SMAD5: variants seen among roughly 807,000 people sequenced by gnomAD.
SMAD5 encodes MAD, mothers against decapentaplegic homolog 5.
In SMAD5, 9 loss-of-function variants were observed where a neutral mutation model predicts 43.1. The ratio of observed to expected loss-of-function variants is 0.21; its 90% CI spans 0.13 to 0.36. SMAD5 has a LOEUF of 0.36. Ranked by LOEUF, SMAD5 falls within the 10% of genes least tolerant of loss-of-function variation. SMAD5 has a pLI of 1.00. For synonymous variants in SMAD5, 190 were observed against 192.4 expected (o/e 0.99, Z 0.10); for missense variants, 348 against 574.0 (o/e 0.61, Z 4.02).
At position 136,153,935 on chromosome 5, in the gene SMAD5, C is replaced by T. The variant is rs1157551103; in HGVS notation, c.175C>T (p.Pro59Ser). The T allele has an allele frequency of 6.2e-7, 1 of 1,613,298 alleles. No homozygotes were observed. The highest frequency in any genetic ancestry group is 8.5e-7 in the Non-Finnish European group (1 of 1,179,752). The part of the protein sequence containing the change: ...MEELEKALSS[P>S]GQPSKCVTIP... ...GGAACTGGAGAAAGCCTTGAGCAGT[C>T]CAGGACAGCCGAGTAAATGTGTCAC... The change falls in exon 3 of 8, where the codon CCA becomes TCA. Residue 59 changes from proline (P) to serine (S), a missense_variant. Transcript: ENST00000545279.
chr5:136,165,146 A>T (rs994062317), intron 5 of SMAD5, among the ~76,000 whole-genome samples: 1 of 151,630 alleles, frequency 6.6e-6, no homozygotes, highest in Non-Finnish European at 1.5e-5. Context: ...TTTAATTTTT[A>T]AATTATTTAT....
chr5:136,142,708 A>G (rs1226283222), intron 1 of SMAD5, among the ~76,000 whole-genome samples: 2 of 152,162 alleles, frequency 1.3e-5, no homozygotes, highest in African/African-American at 4.8e-5. Flanking sequence ...AAGAAGGAGC[A>G]TACCTTCCTG....
intron 1 of SMAD5, chr5:136,133,215 C>T (rs1752736481): frequency 1.3e-5 from 2 of 152,492 alleles, no homozygotes; most frequent in South Asian, 2.1e-4. Context: ...TGGCCCTCGT[C>T]CCAGCCCCGC....
chr5:136,182,334 C>G lies in SMAD5; in HGVS notation c.*4854C>G, dbSNP rs964659806. On this transcript the variant is annotated 3_prime_UTR_variant, in exon 8 of 8. Coordinates refer to ENST00000545279, the MANE Select transcript of SMAD5 (RefSeq NM_005903.7). Reference sequence around the variant, plus strand: ...ATAAAGTATTTTAACTATAGGAACTCTAGAAGATAATGGTTAGGCAAGTGA... The same window carrying G: ...ATAAAGTATTTTAACTATAGGAACTGTAGAAGATAATGGTTAGGCAAGTGA... 21 of 151,514 alleles carry G rather than the reference C, an allele frequency of 1.4e-4. No homozygotes were observed. Among genetic ancestry groups the G allele is most frequent in the African/African-American group, 4.6e-4 (19 of 41,314 alleles). 9.4% of individuals were successfully genotyped at this position (151,514 alleles called of 1,614,324 possible).
rs2149768691 is a variant in SMAD5, at chr5:136,153,889, A to G, written c.129A>G (p.Lys43=). 1 of 1,614,064 alleles carries G rather than the reference A, an allele frequency of 6.2e-7. No individual in the cohort carries two copies. Among genetic ancestry groups the G allele is most frequent in the African/African-American group, 1.3e-5 (1 of 75,050 alleles). The change falls in exon 3 of 8, where the codon AAA becomes AAG. Residue 43 remains lysine, a synonymous_variant. Transcript: ENST00000545279. ...TTGATGCTTTGGTGAAGAAACTAAA[A>G]AAGAAAAAGGGTGCCATGGAGGAAC... ...KAVDALVKKL[K]KKKGAMEELE... is the part of the protein sequence containing the mutation.
chr5:136,173,854 T>A (rs111830826), intron 6 of SMAD5, among the ~76,000 whole-genome samples: 1 of 151,744 alleles, frequency 6.6e-6, no homozygotes, highest in Non-Finnish European at 1.5e-5. Context: ...AAGGAACATA[T>A]ATATTTTTAA....
rs1045712534 is a variant in SMAD5 at position 136,165,890 on chromosome 5, G to A, written c.775+2499G>A. ...GAATAATACTACTGTGGACATGGGC[G>A]TACACATATCTCTTCGAGATCCTGC... On this transcript the variant is annotated intron_variant, in intron 5 of 7. Coordinates refer to ENST00000545279, the MANE Select transcript of SMAD5 (RefSeq NM_005903.7). 2.4e-4 allele frequency among the ~76,000 whole-genome samples: 37 copies of A among 151,700 alleles called. No individual in the cohort carries two copies. The South Asian group carries it at 4.6e-3, about 19-fold the overall frequency.
chr5:136,142,934 C>G (rs776544434), intron 1 of SMAD5, among the ~76,000 whole-genome samples: 22 of 152,094 alleles, frequency 1.4e-4, no homozygotes, highest in Non-Finnish European at 2.1e-4. Context: ...GCCTGAGTTC[C>G]TAGCATGGAG....
At position 136,182,444 on chromosome 5, in the gene SMAD5, GA is replaced by G; in HGVS notation, c.*4966del. ...GAAGAGGATTGTAATCATGGAAATAGAATGTTTGTATCTACCTGCCCACATT... is the reference window on the plus strand; with the variant it reads ...GAAGAGGATTGTAATCATGGAAATAGATGTTTGTATCTACCTGCCCACATT... On this transcript the variant is annotated 3_prime_UTR_variant, in exon 8 of 8. Coordinates refer to ENST00000545279, the MANE Select transcript of SMAD5 (RefSeq NM_005903.7). 1 of 152,590 alleles carries G rather than the reference GA, an allele frequency of 6.6e-6. No individual in the cohort carries two copies. Among genetic ancestry groups the G allele is most frequent in the Non-Finnish European group, 1.5e-5 (1 of 67,992 alleles). 9.5% of individuals were successfully genotyped at this position (152,590 alleles called of 1,614,324 possible). A position where few individuals can be genotyped will look rare whatever the true frequency, so the allele number is the denominator to read the frequency against.
rs1156481796 is a variant in SMAD5 at position 136,177,490 on chromosome 5, ATTCTT to A, written c.*14_*18del. 1 of 1,590,778 alleles carries A rather than the reference ATTCTT, an allele frequency of 6.3e-7. No homozygotes were observed. The highest frequency in any genetic ancestry group is 1.7e-5 in the Admixed American group (1 of 57,304). ...ATCTTCTGTTTCATAATGCAGAAGT[ATTCTT>A]TTCAATTATATTGTTAGTGGACTTG... On this transcript the variant is annotated 3_prime_UTR_variant, in exon 8 of 8. Coordinates refer to ENST00000545279, the MANE Select transcript of SMAD5 (RefSeq NM_005903.7).
At chr5:136,156,432 A>G (rs568370321) in intron 3 of SMAD5, among the ~76,000 whole-genome samples, 4 of 152,158 alleles carry the variant, frequency 2.6e-5, no homozygotes, top group Non-Finnish European at 5.9e-5. Flanking sequence ...ATGTGTGGTA[A>G]AAAGACTGAA....
At position 136,181,169 on chromosome 5, in the gene SMAD5, G is replaced by T. The variant is rs1754614343; in HGVS notation, c.*3689G>T. 6.6e-6 allele frequency: 1 copy of T among 151,984 alleles called. No homozygotes were observed. The highest frequency in any genetic ancestry group is 6.6e-5 in the Admixed American group (1 of 15,264). 9.4% of individuals were successfully genotyped at this position (151,984 alleles called of 1,614,324 possible). On this transcript the variant is annotated 3_prime_UTR_variant, in exon 8 of 8. Coordinates refer to ENST00000545279, the MANE Select transcript of SMAD5 (RefSeq NM_005903.7). ...CTAATCAATTGCTTAATAGTACTTT[G>T]GATGATTATCACCTTTGCCACTTAA...
chr5:136,156,835 C>T (rs17749497), intron 3 of SMAD5, among the ~76,000 whole-genome samples: 4,194 of 152,194 alleles, frequency 0.028, 94 homozygotes, highest in Middle Eastern at 0.085. Flanking sequence ...TTTTAAATAA[C>T]GGAAAATTTC....
At chr5:136,168,703 C>T (rs933051543) in intron 5 of SMAD5, among the ~76,000 whole-genome samples, 1 of 152,212 alleles carries the variant, frequency 6.6e-6, no homozygotes, top group Admixed American at 6.5e-5. Flanking sequence ...TAAAAATTCT[C>T]TGTGCTCTGC....
chr5:136,171,749 G>A (rs757974526), intron 5 of SMAD5, among the ~76,000 whole-genome samples: 7 of 152,106 alleles, frequency 4.6e-5, no homozygotes, highest in Non-Finnish European at 8.8e-5. Context: ...GAGTTGATGT[G>A]GAAATGAGTT....
chr5:136,149,440 A>G (rs7705266), intron 2 of SMAD5, among the ~76,000 whole-genome samples: 53,747 of 151,168 alleles, frequency 0.36, 10,382 homozygotes, highest in African/African-American at 0.52. Context: ...CCTACTATCA[A>G]TATATGAGAG....
chr5:136,177,221 A>G, intron 7 of SMAD5, 116 bp from the exon 8 acceptor site: 1 of 806,354 alleles, frequency 1.2e-6, no homozygotes, highest in Non-Finnish European at 2.1e-6. Context: ...TATTCTCTTT[A>G]TGTAACTTCT....
At position 136,179,193 on chromosome 5, in the gene SMAD5, A is replaced by C. The variant is rs1368634729; in HGVS notation, c.*1713A>C. Reference sequence around the variant, plus strand: ...AACACAATCTTTAGAGAGAAAAGACATGAACGAACTCCAAAATATCCATTT... The same window carrying C: ...AACACAATCTTTAGAGAGAAAAGACCTGAACGAACTCCAAAATATCCATTT... On this transcript the variant is annotated 3_prime_UTR_variant, in exon 8 of 8. Transcript: ENST00000545279. 6.6e-6 allele frequency: 1 copy of C among 152,490 alleles called. No individual in the cohort carries two copies. Among genetic ancestry groups the C allele is most frequent in the Non-Finnish European group, 1.5e-5 (1 of 68,038 alleles). The allele number at this position is 152,490 out of a possible 1,614,324, so 9.4% of individuals were successfully genotyped here.
intron 1 of SMAD5, among the ~76,000 whole-genome samples, chr5:136,147,074 AT>A (rs953107515): frequency 1.3e-5 from 2 of 151,660 alleles, no homozygotes; most frequent in African/African-American, 4.8e-5. Context: ...TAGGAAAAAT[AT>A]TTTTTAAGGA....
Sources: allele counts gnomAD v4.1 joint callset (sites outside exome capture counted in the v4.1 genomes callset), GRCh38; gene constraint gnomAD v4.1.1; transcripts MANE v1.5; gene names NCBI Gene and HGNC (gene_info 2026-07-23, HGNC 2026-07-21).